The following EPHA6 variants were observed in gnomAD, a reference collection of about 807,000 sequenced individuals.
The protein encoded by EPHA6 is ephrin type-A receptor 6.
A neutral mutation model predicts 112.0 loss-of-function variants in EPHA6; 50 were observed. The ratio of observed to expected loss-of-function variants is 0.45; its 90% CI spans 0.36 to 0.56. The LOEUF (loss-of-function observed/expected upper bound fraction) is 0.56, where lower values mean the gene tolerates loss of function less well. Ranked by LOEUF, EPHA6 falls within the 20% of genes least tolerant of loss-of-function variation. The pLI, the probability that EPHA6 is intolerant of heterozygous loss-of-function variation, is 0.00. For missense variants in EPHA6, 1,280 were observed against 1,417.4 expected (o/e 0.90, Z 1.56); for synonymous variants, 529 against 490.7 (o/e 1.08, Z -1.03).
intron 13 of EPHA6, among the ~76,000 whole-genome samples, chr3:97,617,194 G>T (rs2093774064): frequency 6.6e-6 from 1 of 152,040 alleles, no homozygotes; most frequent in African/African-American, 2.4e-5. Flanking sequence ...CATAAGAAAA[G>T]GGAAATAAGG....
intron 7 of EPHA6, among the ~76,000 whole-genome samples, chr3:97,455,545 AT>A (rs550650493): frequency 1.3e-5 from 2 of 152,090 alleles, no homozygotes; most frequent in South Asian, 2.1e-4. Context: ...CTACATGACT[AT>A]TTTTTATTAT....
chr3:96,975,669 T>C (rs2042493012), intron 2 of EPHA6, among the ~76,000 whole-genome samples: 2 of 152,298 alleles, frequency 1.3e-5, no homozygotes, highest in South Asian at 4.1e-4. Context: ...CAAATCATTC[T>C]TGCTTAACCA....
rs2036157142 is a variant in EPHA6 at position 97,761,178 on chromosome 3, G to T, written c.*12477G>T. 5.0e-6 allele frequency: 1 copy of T among 199,692 alleles called. No individual in the cohort carries two copies. The highest frequency in any genetic ancestry group is 2.3e-5 in the African/African-American group (1 of 43,444). 12.4% of individuals were successfully genotyped at this position (199,692 alleles called of 1,614,324 possible). On this transcript the variant is annotated 3_prime_UTR_variant, in exon 18 of 18. Transcript: ENST00000389672. ...AGTAGTCCAGACTTATTTGAAGGTG[G>T]TACTATTTTTATCTTACAAAAATCT... is the stretch of plus-strand genomic sequence containing the variant.
intron 3 of EPHA6, among the ~76,000 whole-genome samples, chr3:97,062,853 T>A (rs543119754): frequency 3.3e-5 from 5 of 152,190 alleles, no homozygotes; most frequent in Admixed American, 6.5e-5. Flanking sequence ...GTTTCAGGTA[T>A]GTCTTTATCA....
chr3:97,141,517 G>A (rs771188905), intron 3 of EPHA6, among the ~76,000 whole-genome samples: 21 of 151,994 alleles, frequency 1.4e-4, no homozygotes, highest in Non-Finnish European at 2.5e-4. Context: ...AAAATTAGAC[G>A]TCAGTGCACG....
chr3:97,017,738 G>T (rs1414773808), intron 3 of EPHA6, among the ~76,000 whole-genome samples: 1 of 152,090 alleles, frequency 6.6e-6, no homozygotes, highest in Non-Finnish European at 1.5e-5. Flanking sequence ...ATCTTTGGGG[G>T]TTCAATTGTT....
intron 3 of EPHA6, among the ~76,000 whole-genome samples, chr3:97,028,640 G>T (rs1043750108): frequency 1.3e-5 from 2 of 151,894 alleles, no homozygotes; most frequent in African/African-American, 4.8e-5. Flanking sequence ...AAAAAGTAAT[G>T]GTGATGATTT....
At chr3:97,588,308 C>T (rs896788735) in intron 11 of EPHA6, among the ~76,000 whole-genome samples, 1 of 152,136 alleles carries the variant, frequency 6.6e-6, no homozygotes, top group African/African-American at 2.4e-5. Context: ...AATCTTCCTG[C>T]ACCACGTCAA....
intron 2 of EPHA6, among the ~76,000 whole-genome samples, chr3:96,937,511 C>A (rs929756394): frequency 9.2e-5 from 14 of 152,018 alleles, no homozygotes; most frequent in African/African-American, 3.4e-4. Context: ...TATTAGCCCT[C>A]TGTCAAATGA....
intron 2 of EPHA6, among the ~76,000 whole-genome samples, chr3:96,899,988 C>G (rs2038515026): frequency 6.6e-6 from 1 of 152,062 alleles, no homozygotes; most frequent in South Asian, 2.1e-4. Context: ...TACAGGTGCT[C>G]CCTACTGGGA....
At position 97,637,878 on chromosome 3, in the gene EPHA6, T is replaced by C; in HGVS notation, c.2580T>C (p.His860=). Residue 860 remains histidine (H), a synonymous_variant, in exon 14 of 18, where the codon CAT becomes CAC. Transcript: ENST00000389672. ...CAATTGTGATTCTCTTGCAGAAGCATGATGGCCACTTCACAGTCATCCAGT... is the reference window on the plus strand; with the variant it reads ...CAATTGTGATTCTCTTGCAGAAGCACGATGGCCACTTCACAGTCATCCAGT... The part of the protein sequence containing the change: ...NGSLDSFLRK[H]DGHFTVIQLV... 1 of 1,613,584 alleles carries C rather than the reference T, an allele frequency of 6.2e-7. No homozygotes were observed. The highest frequency in any genetic ancestry group is 8.5e-7 in the Non-Finnish European group (1 of 1,179,512).
chr3:96,870,364 G>C (rs929751525), intron 2 of EPHA6, among the ~76,000 whole-genome samples: 2 of 152,092 alleles, frequency 1.3e-5, no homozygotes, highest in African/African-American at 4.8e-5. Flanking sequence ...GGAGAAGACA[G>C]ATGTCGCAGC....
At chr3:97,002,866 A>G (rs753323383) in intron 3 of EPHA6, among the ~76,000 whole-genome samples, 7 of 152,198 alleles carry the variant, frequency 4.6e-5, no homozygotes, top group Non-Finnish European at 1.0e-4. Flanking sequence ...ATGTGTTTAA[A>G]GGACTATATT....
intron 3 of EPHA6, among the ~76,000 whole-genome samples, chr3:97,191,769 G>T (rs545248199): frequency 2.0e-5 from 3 of 152,120 alleles, no homozygotes; most frequent in South Asian, 2.1e-4. Flanking sequence ...TGTGGAGTTT[G>T]CACGTAGTGC....
chr3:97,510,824 T>C (rs1462127073), intron 10 of EPHA6, among the ~76,000 whole-genome samples: 3 of 152,240 alleles, frequency 2.0e-5, no homozygotes, highest in African/African-American at 4.8e-5. Context: ...CCCAGGGAGA[T>C]AGGGACTTTT....
intron 3 of EPHA6, among the ~76,000 whole-genome samples, chr3:97,174,603 G>A (rs1377875438): frequency 1.3e-5 from 2 of 151,878 alleles, no homozygotes; most frequent in African/African-American, 2.4e-5. Context: ...ACTGAGGTGA[G>A]ATGATATCTC....
chr3:97,608,168 T>G (rs2093693410), intron 12 of EPHA6, among the ~76,000 whole-genome samples: 1 of 151,160 alleles, frequency 6.6e-6, no homozygotes, highest in Non-Finnish European at 1.5e-5. Context: ...AGATTAAGAG[T>G]TCAAATGTGA....
intron 4 of EPHA6, among the ~76,000 whole-genome samples, chr3:97,230,847 G>C (rs1025613052): frequency 1.3e-5 from 2 of 152,122 alleles, no homozygotes; most frequent in Admixed American, 1.3e-4. Flanking sequence ...GACAGGATTT[G>C]TTATGTTGAT....
chr3:96,828,026 T>G (rs2033780140), intron 1 of EPHA6, among the ~76,000 whole-genome samples: 1 of 152,110 alleles, frequency 6.6e-6, no homozygotes, highest in Non-Finnish European at 1.5e-5. Context: ...AACTCCCTCT[T>G]CATCCCAACA....
Sources: allele counts gnomAD v4.1 joint callset (sites outside exome capture counted in the v4.1 genomes callset), GRCh38; gene constraint gnomAD v4.1.1; transcripts MANE v1.5; gene names NCBI Gene and HGNC (gene_info 2026-07-23, HGNC 2026-07-21).